The following PCSK5 variants were observed in gnomAD, a reference collection of about 807,000 sequenced individuals.
PCSK5 encodes prohormone convertase 5.
A neutral mutation model predicts 233.2 loss-of-function variants in PCSK5; 129 were observed. The ratio of observed to expected loss-of-function variants is 0.55; its 90% confidence interval spans 0.48 to 0.64. PCSK5 has a LOEUF of 0.64. Ranked by LOEUF, PCSK5 falls within the 30% of genes least tolerant of loss-of-function variation. The pLI, the probability that PCSK5 is intolerant of heterozygous loss-of-function variation, is 0.00. For missense variants in PCSK5, 2,076 were observed against 2,430.1 expected, an observed-to-expected ratio of 0.85 and a Z score of 3.06; for synonymous variants, 825 against 879.2, an observed-to-expected ratio of 0.94 and a Z score of 1.09.
intron 2 of PCSK5, among the ~76,000 whole-genome samples, chr9:75,949,937 T>C (rs1350979054): frequency 2.0e-5 from 3 of 152,202 alleles, no homozygotes; most frequent in Non-Finnish European, 4.4e-5. Context: ...GGGGTATCCA[T>C]CTATGTTGGG....
intron 6 of PCSK5, among the ~76,000 whole-genome samples, chr9:76,068,298 A>C (rs1830358779): frequency 6.6e-6 from 1 of 152,182 alleles, no homozygotes; most frequent in African/African-American, 2.4e-5. Context: ...AATGTTATCT[A>C]GTAGTGAAGA....
chr9:76,133,255 GA>G (rs2131744453), intron 9 of PCSK5, among the ~76,000 whole-genome samples: 1 of 152,208 alleles, frequency 6.6e-6, no homozygotes, highest in East Asian at 1.9e-4. Flanking sequence ...AAGACTGAAT[GA>G]AATAAGTATC....
chr9:76,017,751 T>C (rs1828006965), intron 3 of PCSK5, among the ~76,000 whole-genome samples: 1 of 151,556 alleles, frequency 6.6e-6, no homozygotes, highest in Non-Finnish European at 1.5e-5. Flanking sequence ...TGTGTGTGTA[T>C]GTGTGTGTGT....
At chr9:76,090,977 C>T (rs1055182025) in intron 7 of PCSK5, among the ~76,000 whole-genome samples, 1 of 150,004 alleles carries the variant, frequency 6.7e-6, no homozygotes, top group Non-Finnish European at 1.5e-5. Context: ...ATAAGAGGTT[C>T]GAGCGCCTGT....
At chr9:76,230,858 C>T (rs1290421466) in intron 21 of PCSK5, among the ~76,000 whole-genome samples, 2 of 152,008 alleles carry the variant, frequency 1.3e-5, no homozygotes, top group Non-Finnish European at 2.9e-5. Flanking sequence ...AAGCTCAGGG[C>T]TCCCACTGAT....
At chr9:76,341,230 C>CAAA (rs11446663) in intron 35 of PCSK5, among the ~76,000 whole-genome samples, 1 of 150,232 alleles carries the variant, frequency 6.7e-6, no homozygotes, top group African/African-American at 2.4e-5. Context: ...GCCTCAAAAA[C>CAAA]AAAAAAAAAG....
In PCSK5 at chr9:76,350,710, C is replaced by A. The variant is rs1830098397; in HGVS notation, c.4967-118C>A. 6 of 684,516 alleles carry A rather than the reference C, an allele frequency of 8.8e-6. No homozygotes were observed. In the East Asian group the frequency reaches 1.7e-4, roughly 19 times the overall value. The allele number at this position is 684,516 out of a possible 1,614,324, so 42.4% of individuals were successfully genotyped here. A position where few individuals can be genotyped will look rare whatever the true frequency, so the allele number is the denominator to read the frequency against. ...CTTTTTTCTTTTTCGTATCCTCAAT[C>A]AATTCACCCTTCTGCTTCAATTTAC... is the stretch of plus-strand genomic sequence containing the variant. On this transcript the variant is annotated intron_variant, in intron 35 of 37. Transcript: ENST00000674117.
At chr9:75,921,727 C>T (rs1340130872) in intron 1 of PCSK5, among the ~76,000 whole-genome samples, 1 of 152,094 alleles carries the variant, frequency 6.6e-6, no homozygotes, top group Admixed American at 6.6e-5. Context: ...CTATAAATAG[C>T]AGTAATAAAT....
At chr9:76,157,197 C>A in intron 11 of PCSK5, 35 bp downstream of exon 11, 7 of 1,413,492 alleles carry the variant, frequency 5.0e-6, no homozygotes, top group Non-Finnish European at 7.0e-6. Flanking sequence ...CATGACAATG[C>A]CCCAAAATAG....
chr9:76,144,937 C>G (rs1351734114), intron 10 of PCSK5, among the ~76,000 whole-genome samples: 1 of 152,052 alleles, frequency 6.6e-6, no homozygotes, highest in Admixed American at 6.5e-5. Context: ...ACCAGCCTGG[C>G]CAACATGGTG....
At chr9:76,014,853 G>A (rs1159836892) in intron 3 of PCSK5, among the ~76,000 whole-genome samples, 1 of 152,138 alleles carries the variant, frequency 6.6e-6, no homozygotes, top group Non-Finnish European at 1.5e-5. Flanking sequence ...GAGTCAATGT[G>A]CAGAAGATGA....
chr9:76,157,487 T>C (rs1822640341), intron 11 of PCSK5, among the ~76,000 whole-genome samples: 1 of 149,358 alleles, frequency 6.7e-6, no homozygotes, highest in Non-Finnish European at 1.5e-5. Flanking sequence ...TTTTAAAAAC[T>C]GTAACAACTC....
chr9:76,314,956 A>C (rs555542132), intron 30 of PCSK5, among the ~76,000 whole-genome samples: 1 of 149,796 alleles, frequency 6.7e-6, no homozygotes, highest in African/African-American at 2.5e-5. Context: ...AGGTTTTAAC[A>C]GTAACGTATT....
At chr9:76,115,774 G>T (rs544171010) in intron 9 of PCSK5, among the ~76,000 whole-genome samples, 5 of 152,030 alleles carry the variant, frequency 3.3e-5, no homozygotes, top group Admixed American at 1.3e-4. Flanking sequence ...AAATATTGCT[G>T]TTTTTGTATT....
At chr9:75,978,495 T>C (rs1243781899) in intron 2 of PCSK5, among the ~76,000 whole-genome samples, 1 of 152,224 alleles carries the variant, frequency 6.6e-6, no homozygotes, top group Admixed American at 6.5e-5. Flanking sequence ...TTGGTAGTCC[T>C]CTACCATGAA....
At chr9:76,275,266 T>C (rs532336537) in intron 24 of PCSK5, among the ~76,000 whole-genome samples, 2 of 152,174 alleles carry the variant, frequency 1.3e-5, no homozygotes, top group Non-Finnish European at 2.9e-5. Flanking sequence ...TTATTTTTCA[T>C]CCATCCTTCA....
chr9:76,332,916 C>T (rs145912393), intron 34 of PCSK5, among the ~76,000 whole-genome samples: 18 of 152,326 alleles, frequency 1.2e-4, no homozygotes, highest in Non-Finnish European at 2.1e-4. Flanking sequence ...GTGGCTCATG[C>T]CTGTAATCCC....
chr9:76,027,493 C>T (rs2131497064), intron 5 of PCSK5, among the ~76,000 whole-genome samples: 1 of 152,272 alleles, frequency 6.6e-6, no homozygotes, highest in Non-Finnish European at 1.5e-5. Flanking sequence ...TTGTGTTTTT[C>T]ACTAATATAC....
chr9:76,249,356 C>A (rs1413942201), intron 24 of PCSK5, among the ~76,000 whole-genome samples: 1 of 151,972 alleles, frequency 6.6e-6, no homozygotes. Flanking sequence ...TGTGGGGTAT[C>A]TATAAGACAA....
Sources: gnomAD v4.1 joint callset for allele counts (sites outside exome capture counted in the v4.1 genomes callset) on GRCh38, gnomAD v4.1.1 for gene constraint, MANE v1.5 for transcripts, NCBI Gene and HGNC (gene_info 2026-07-23, HGNC 2026-07-21) for gene names.